Variants in NALCN observed in about 807,000 individuals in gnomAD.
The protein encoded by NALCN is sodium leak channel NALCN.
NALCN carries 111 observed loss-of-function variants against 225.3 expected under a neutral mutation model. That is an observed-to-expected ratio of 0.49 (90% CI 0.42 to 0.58). The LOEUF (loss-of-function observed/expected upper bound fraction) is 0.58, where lower values mean the gene tolerates loss of function less well. NALCN is among the 20% of genes least tolerant of loss of function. The probability of loss-of-function intolerance (pLI) is 0.00; values close to 1 mark genes in which losing one functional copy is unlikely to be tolerated. For synonymous variants in NALCN, 764 were observed against 769.0 expected (o/e 0.99, Z 0.11); for missense variants, 1,378 against 2,202.4 (o/e 0.63, Z 7.49).
At chr13:101,309,256 A>G (rs929522325) in intron 7 of NALCN, among the ~76,000 whole-genome samples, 2 of 152,218 alleles carry the variant, frequency 1.3e-5, no homozygotes, top group African/African-American at 4.8e-5. Context: ...CAACATTACT[A>G]AACTCAGACA....
rs935464948 is a variant in NALCN, at chr13:101,054,994, A to G, written c.*301T>C. ...ACTGCATTAGAGCACATATGAATAT[A>G]TACCTTAGTTTACGCAGACAGAATA... On this transcript the variant is annotated 3_prime_UTR_variant, in exon 44 of 44. Coordinates refer to ENST00000251127, the MANE Select transcript of NALCN (RefSeq NM_052867.4). 2.9e-6 allele frequency: 1 copy of G among 344,176 alleles called. No individual in the cohort carries two copies. Among genetic ancestry groups the G allele is most frequent in the Non-Finnish European group, 5.3e-6 (1 of 188,718 alleles). The allele number at this position is 344,176 out of a possible 1,614,324, so 21.3% of individuals were successfully genotyped here. A position where few individuals can be genotyped will look rare whatever the true frequency, so the allele number is the denominator to read the frequency against.
intron 7 of NALCN, among the ~76,000 whole-genome samples, chr13:101,341,858 T>C (rs2045569263): frequency 1.3e-5 from 2 of 152,302 alleles, no homozygotes; most frequent in East Asian, 1.9e-4. Context: ...GATTAGATCA[T>C]GAAGGTGGAG....
At chr13:101,306,984 T>C (rs970937359) in intron 7 of NALCN, among the ~76,000 whole-genome samples, 1 of 152,186 alleles carries the variant, frequency 6.6e-6, no homozygotes, top group African/African-American at 2.4e-5. Context: ...CTTCAGTCCC[T>C]GGAAGAGCCA....
chr13:101,281,786 C>T (rs1157087761), intron 10 of NALCN, among the ~76,000 whole-genome samples: 1 of 151,914 alleles, frequency 6.6e-6, no homozygotes, highest in African/African-American at 2.4e-5. Context: ...TAACAAAAAG[C>T]CCCCAAACTA....
intron 17 of NALCN, among the ~76,000 whole-genome samples, chr13:101,139,371 C>T (rs1167361907): frequency 1.3e-5 from 2 of 152,188 alleles, no homozygotes; most frequent in African/African-American, 2.4e-5. Flanking sequence ...AGTCTTCAGG[C>T]ACCTGGGGCT....
chr13:101,075,535 CTT>C (rs984814401), intron 35 of NALCN, among the ~76,000 whole-genome samples: 2 of 149,896 alleles, frequency 1.3e-5, no homozygotes, highest in Non-Finnish European at 3.0e-5. Flanking sequence ...AGTTACTTAA[CTT>C]TATTGAAAAT....
chr13:101,223,122 C>A (rs1003771886), intron 13 of NALCN, among the ~76,000 whole-genome samples: 7 of 152,092 alleles, frequency 4.6e-5, no homozygotes, highest in African/African-American at 1.2e-4. Context: ...CTGAAAAAAA[C>A]AACTCTTTTA....
At chr13:101,103,965 T>C (rs2034964940) in intron 25 of NALCN, among the ~76,000 whole-genome samples, 2 of 152,150 alleles carry the variant, frequency 1.3e-5, no homozygotes, top group East Asian at 3.8e-4. Flanking sequence ...AGGCAAACTT[T>C]TTTTTTTTAG....
chr13:101,148,753 G>A (rs1045725068), intron 15 of NALCN, among the ~76,000 whole-genome samples: 7 of 152,176 alleles, frequency 4.6e-5, no homozygotes, highest in South Asian at 2.1e-4. Flanking sequence ...ATCAGGTGGC[G>A]GAACTCAACT....
At chr13:101,200,579 C>A (rs2040077082) in intron 13 of NALCN, among the ~76,000 whole-genome samples, 1 of 152,130 alleles carries the variant, frequency 6.6e-6, no homozygotes, top group Non-Finnish European at 1.5e-5. Flanking sequence ...TTGTTCCTAG[C>A]ACCCCTTAAA....
chr13:101,176,384 G>A lies in NALCN; in HGVS notation c.1765-10C>T. 1 of 1,580,140 alleles carries A rather than the reference G, an allele frequency of 6.3e-7. No individual in the cohort carries two copies. The highest frequency in any genetic ancestry group is 2.3e-5 in the East Asian group (1 of 43,204). ...ACAAACTCAGGAGGATCTATAAAATGGTGAAATAACAATGAAAAAACCCAC... is the reference window on the plus strand; with the variant it reads ...ACAAACTCAGGAGGATCTATAAAATAGTGAAATAACAATGAAAAAACCCAC... On this transcript the variant is annotated splice_polypyrimidine_tract_variant and intron_variant, in intron 14 of 43. Coordinates refer to ENST00000251127, the MANE Select transcript of NALCN (RefSeq NM_052867.4).
chr13:101,200,123 A>T (rs2040058269), intron 13 of NALCN, among the ~76,000 whole-genome samples: 1 of 152,074 alleles, frequency 6.6e-6, no homozygotes, highest in African/African-American at 2.4e-5. Flanking sequence ...CCACCTCCAG[A>T]ATCAACTCCA....
chr13:101,384,548 A>AG (rs1447211480), intron 3 of NALCN, among the ~76,000 whole-genome samples: 2 of 152,220 alleles, frequency 1.3e-5, no homozygotes, highest in African/African-American at 4.8e-5. Context: ...CCAAGTTTCC[A>AG]GGGCCCATCT....
At chr13:101,371,162 A>G (rs1370830501) in intron 6 of NALCN, among the ~76,000 whole-genome samples, 1 of 152,192 alleles carries the variant, frequency 6.6e-6, no homozygotes, top group Non-Finnish European at 1.5e-5. Flanking sequence ...GTTGATGGAA[A>G]TTTGGGTTGT....
At chr13:101,214,133 A>G (rs552122956) in intron 13 of NALCN, among the ~76,000 whole-genome samples, 1 of 152,210 alleles carries the variant, frequency 6.6e-6, no homozygotes, top group South Asian at 2.1e-4. Flanking sequence ...GGATGAGTTC[A>G]TGTCCTTTGT....
intron 3 of NALCN, among the ~76,000 whole-genome samples, chr13:101,388,413 A>G (rs1483524057): frequency 6.7e-6 from 1 of 148,718 alleles, no homozygotes; most frequent in Non-Finnish European, 1.5e-5. Flanking sequence ...CACCTCTTAC[A>G]GATTGAAAAT....
chr13:101,226,327 C>T (rs2041139986), intron 13 of NALCN, among the ~76,000 whole-genome samples: 1 of 152,142 alleles, frequency 6.6e-6, no homozygotes, highest in African/African-American at 2.4e-5. Context: ...CTGCGATAAG[C>T]TCCCCACTTC....
At chr13:101,213,042 AACTAT>A (rs1224858298) in intron 13 of NALCN, among the ~76,000 whole-genome samples, 9 of 152,260 alleles carry the variant, frequency 5.9e-5, no homozygotes, top group African/African-American at 2.2e-4. Flanking sequence ...CCTGACTTCA[AACTAT>A]ACTATAAGGC....
At chr13:101,174,475 A>G (rs1217928629) in intron 15 of NALCN, among the ~76,000 whole-genome samples, 1 of 152,216 alleles carries the variant, frequency 6.6e-6, no homozygotes, top group Non-Finnish European at 1.5e-5. Context: ...GTCAATGCCA[A>G]TTAAAGTCCT....
Sources: allele counts gnomAD v4.1 joint callset (sites outside exome capture counted in the v4.1 genomes callset), GRCh38; gene constraint gnomAD v4.1.1; transcripts MANE v1.5; gene names NCBI Gene and HGNC (gene_info 2026-07-23, HGNC 2026-07-21).